Variants in SIL1 observed in about 807,000 individuals in gnomAD.
The protein encoded by SIL1 is nucleotide exchange factor SIL1.
A neutral mutation model predicts 49.1 loss-of-function variants in SIL1; 40 were observed. The ratio of observed to expected loss-of-function variants is 0.81; its 90% CI spans 0.63 to 1.06. SIL1 has a LOEUF of 1.06. Among genes scored for constraint, SIL1 ranks in the 50% least tolerant of loss-of-function variants. The probability of loss-of-function intolerance (pLI) is 0.00; values close to 1 mark genes in which losing one functional copy is unlikely to be tolerated. For synonymous variants in SIL1, 253 were observed against 250.8 expected (o/e 1.01, Z -0.08); for missense variants, 500 against 572.6 (o/e 0.87, Z 1.29).
chr5:139,074,582 T>C (rs1310448680), intron 3 of SIL1, among the ~76,000 whole-genome samples: 1 of 152,158 alleles, frequency 6.6e-6, no homozygotes. Flanking sequence ...GAGTTCAACC[T>C]CAATGCCTTT....
At chr5:139,160,915 AG>A (rs1228192606) in intron 1 of SIL1, among the ~76,000 whole-genome samples, 3 of 152,196 alleles carry the variant, frequency 2.0e-5, no homozygotes, top group Non-Finnish European at 4.4e-5. Flanking sequence ...CCAGAAGGAT[AG>A]GGGATAGTCA....
At chr5:139,152,873 C>T (rs1751333641) in intron 1 of SIL1, among the ~76,000 whole-genome samples, 1 of 152,154 alleles carries the variant, frequency 6.6e-6, no homozygotes, top group African/African-American at 2.4e-5. Flanking sequence ...AGAGTGAGTG[C>T]AATGGCGCGA....
chr5:139,127,024 T>C (rs1750767933), intron 2 of SIL1, among the ~76,000 whole-genome samples: 1 of 152,076 alleles, frequency 6.6e-6, no homozygotes, highest in Non-Finnish European at 1.5e-5. Context: ...ACAAGCCAAG[T>C]AAACAGGGCC....
chr5:139,090,771 AT>A (rs921661063), intron 3 of SIL1, among the ~76,000 whole-genome samples: 1 of 151,848 alleles, frequency 6.6e-6, no homozygotes, highest in Non-Finnish European at 1.5e-5. Flanking sequence ...CACCTGGCTA[AT>A]TTTTTTTCTT....
intron 7 of SIL1, among the ~76,000 whole-genome samples, chr5:139,018,592 A>G (rs1372698046): frequency 2.3e-5 from 2 of 87,684 alleles, no homozygotes; most frequent in East Asian, 5.1e-4. Flanking sequence ...CCCTGACTCA[A>G]AAAAAAAAAA....
At chr5:139,120,550 T>G (rs992488238) in intron 3 of SIL1, among the ~76,000 whole-genome samples, 1 of 152,186 alleles carries the variant, frequency 6.6e-6, no homozygotes, top group African/African-American at 2.4e-5. Context: ...GTTAGAAAAT[T>G]GTTCCTTCTG....
intron 7 of SIL1, among the ~76,000 whole-genome samples, chr5:138,968,924 G>T (rs555707061): frequency 2.6e-5 from 4 of 152,128 alleles, no homozygotes; most frequent in Non-Finnish European, 5.9e-5. Flanking sequence ...CCTGAGTTCT[G>T]ACTTCTCTCC....
At chr5:139,168,727 T>G (rs1171539742) in intron 1 of SIL1, among the ~76,000 whole-genome samples, 3 of 151,990 alleles carry the variant, frequency 2.0e-5, no homozygotes, top group Non-Finnish European at 4.4e-5. Flanking sequence ...AATCCCAGTA[T>G]AGGAGGCCAA....
intron 7 of SIL1, among the ~76,000 whole-genome samples, chr5:138,985,075 T>C (rs373992507): frequency 1.7e-4 from 26 of 152,182 alleles, no homozygotes; most frequent in African/African-American, 6.0e-4. Flanking sequence ...TCAGCTCTTA[T>C]CTCTATAGCA....
At chr5:139,117,024 T>C (rs1369490917) in intron 3 of SIL1, among the ~76,000 whole-genome samples, 1 of 152,198 alleles carries the variant, frequency 6.6e-6, no homozygotes, top group African/African-American at 2.4e-5. Context: ...TTCAGCATCA[T>C]AAAATTTGAT....
At chr5:138,998,729 CA>C (rs1767925731) in intron 7 of SIL1, among the ~76,000 whole-genome samples, 1 of 152,156 alleles carries the variant, frequency 6.6e-6, no homozygotes, top group Non-Finnish European at 1.5e-5. Flanking sequence ...CTAAACCATT[CA>C]CAAGGGATTT....
In SIL1 at chr5:139,150,532, G is replaced by T. The variant is rs552356460; in HGVS notation, c.-10-22679C>A. 2.6e-5 allele frequency among the ~76,000 whole-genome samples: 4 copies of T among 152,130 alleles called. 1 individual carries two copies. The South Asian group carries it at 8.3e-4, about 32-fold the overall frequency. On this transcript the variant is annotated intron_variant, in intron 1 of 9. Coordinates refer to ENST00000394817, the MANE Select transcript of SIL1 (RefSeq NM_022464.5). ...CCCCACTTCTCAGGTAGGAGCAACC[G>T]TCGCAAGCTGTCAATCAAGCCAGAC...
At chr5:138,996,411 TTC>T (rs2150408845) in intron 7 of SIL1, among the ~76,000 whole-genome samples, 1 of 152,268 alleles carries the variant, frequency 6.6e-6, no homozygotes, top group African/African-American at 2.4e-5. Flanking sequence ...CCCTTATATT[TTC>T]TGTTTATTAA....
intron 1 of SIL1, among the ~76,000 whole-genome samples, chr5:139,177,236 T>C (rs750385859): frequency 9.8e-5 from 14 of 142,318 alleles, no homozygotes; most frequent in Non-Finnish European, 2.0e-4. Context: ...CTGGCCTTTA[T>C]TTTATTTATT....
intron 1 of SIL1, among the ~76,000 whole-genome samples, chr5:139,144,591 C>A (rs902920725): frequency 2.0e-5 from 3 of 152,136 alleles, no homozygotes; most frequent in African/African-American, 7.2e-5. Flanking sequence ...CTAAAACTGG[C>A]AGGGTGCGGT....
Position 139,153,334 on chromosome 5 carries a change from A to G in SIL1, c.-10-25481T>C, listed in dbSNP as rs184590953. On this transcript the variant is annotated intron_variant, in intron 1 of 9. Coordinates refer to ENST00000394817, the MANE Select transcript of SIL1 (RefSeq NM_022464.5). The stretch of plus-strand genomic sequence containing the variant: ...ACTACAGCAAATTCAGTGCTGCCAG[A>G]GCACCTGTACTTCTCTGATCATAGC... Among the ~76,000 whole-genome samples, 307 of 152,276 alleles carry G rather than the reference A, an allele frequency of 2.0e-3. 4 individuals are homozygous for G. The highest frequency in any genetic ancestry group is 1.4e-3 in the Non-Finnish European group (97 of 68,020).
chr5:139,138,614 C>T (rs531493631), intron 1 of SIL1, among the ~76,000 whole-genome samples: 2 of 152,310 alleles, frequency 1.3e-5, no homozygotes, highest in East Asian at 1.9e-4. Context: ...AGATGCTTAA[C>T]CTCTACAAGT....
At chr5:139,178,891 A>G (rs1276724449) in intron 1 of SIL1, among the ~76,000 whole-genome samples, 2 of 152,204 alleles carry the variant, frequency 1.3e-5, no homozygotes, top group Non-Finnish European at 2.9e-5. Flanking sequence ...GACTGAAAAA[A>G]TAAAATTTCA....
rs1387626154 is a variant in SIL1 at position 138,947,161 on chromosome 5, C to A, written c.1342G>T (p.Glu448Ter). 1 of 1,613,682 alleles carries A rather than the reference C, an allele frequency of 6.2e-7. No individual in the cohort carries two copies. Among genetic ancestry groups the A allele is most frequent in the Non-Finnish European group, 8.5e-7 (1 of 1,179,900 alleles). ...AAGCTGTTGACAGAGCCCAGCAGCTCCTGGAAGTAGCCCTCGTCCTCACCA... is the reference window on the plus strand; with the variant it reads ...AAGCTGTTGACAGAGCCCAGCAGCTACTGGAAGTAGCCCTCGTCCTCACCA... ...QDGEDEGYFQ[E>*]LLGSVNSLLK... Residue 448 changes from glutamate (E) to a stop codon, truncating the protein, a stop_gained, in exon 10 of 10, where the codon GAG (glutamate) becomes TAG (stop). Coordinates refer to ENST00000394817, the MANE Select transcript of SIL1 (RefSeq NM_022464.5). LOFTEE classifies it high-confidence loss of function. The surrounding 1 kb of genome is among the most constrained non-coding windows in gnomAD (Gnocchi z 4.1).
Sources: allele counts gnomAD v4.1 joint callset (sites outside exome capture counted in the v4.1 genomes callset), GRCh38; gene constraint gnomAD v4.1.1; non-coding constraint Gnocchi (gnomAD v3.1); transcripts MANE v1.5; gene names NCBI Gene and HGNC (gene_info 2026-07-23, HGNC 2026-07-21).